AKAP6: variants seen among roughly 807,000 people sequenced by gnomAD.
The protein encoded by AKAP6 is A-kinase anchor protein 6.
Under a neutral mutation model 188.5 loss-of-function variants are expected in AKAP6, and 58 were observed. The ratio of observed to expected loss-of-function variants is 0.31; its 90% CI spans 0.25 to 0.38. The LOEUF is 0.38. Among genes scored for constraint, AKAP6 ranks in the 10% least tolerant of loss-of-function variants. AKAP6 has a pLI of 1.00. For synonymous variants in AKAP6, 989 were observed against 998.6 expected (o/e 0.99, Z 0.18); for missense variants, 2,710 against 2,740.0 (o/e 0.99, Z 0.24).
At chr14:32,618,333 C>T (rs1259303117) in intron 7 of AKAP6, among the ~76,000 whole-genome samples, 2 of 151,952 alleles carry the variant, frequency 1.3e-5, no homozygotes, top group African/African-American at 2.4e-5. Context: ...GTTCTTTTAT[C>T]CTTCTCCTTC....
chr14:32,391,081 C>T (rs1409295012), intron 1 of AKAP6, among the ~76,000 whole-genome samples: 4 of 152,158 alleles, frequency 2.6e-5, no homozygotes, highest in African/African-American at 9.7e-5. Flanking sequence ...CCCTGAGACC[C>T]AGATGTCACT....
rs74041628 is a variant in AKAP6 at position 32,496,694 on chromosome 14, A to G, written c.325-38860A>G. ...CATATTGTTAATGTATTGCAGCCTC[A>G]GGAATTATTAGCTTGAACCATATGA... On this transcript the variant is annotated intron_variant, in intron 2 of 13. Coordinates refer to ENST00000280979, the MANE Select transcript of AKAP6 (RefSeq NM_004274.5). Among the ~76,000 whole-genome samples the G allele has an allele frequency of 5.6e-3, 853 of 152,270 alleles. 5 individuals carry two copies. Among genetic ancestry groups the G allele is most frequent in the African/African-American group, 0.018 (764 of 41,568 alleles).
intron 12 of AKAP6, among the ~76,000 whole-genome samples, chr14:32,776,278 T>C (rs900386067): frequency 8.5e-5 from 13 of 152,332 alleles, no homozygotes; most frequent in Non-Finnish European, 1.5e-4. Context: ...TGGGAGATAA[T>C]TGAATCATGG....
chr14:32,725,485 G>C (rs2030825473), intron 9 of AKAP6, among the ~76,000 whole-genome samples: 1 of 151,984 alleles, frequency 6.6e-6, no homozygotes, highest in Admixed American at 6.5e-5. Context: ...CCTCCTTCAT[G>C]TTGAGATTTT....
At chr14:32,786,389 G>C (rs1006381041) in intron 12 of AKAP6, among the ~76,000 whole-genome samples, 1 of 136,624 alleles carries the variant, frequency 7.3e-6, no homozygotes, top group Non-Finnish European at 1.5e-5. Flanking sequence ...CTCACTGCAA[G>C]CTCCACCTCC....
chr14:32,408,592 T>G (rs1293956350), intron 1 of AKAP6, among the ~76,000 whole-genome samples: 2 of 151,490 alleles, frequency 1.3e-5, no homozygotes, highest in East Asian at 3.9e-4. Flanking sequence ...GGATGAGAGC[T>G]CAGGTATCAG....
intron 1 of AKAP6, among the ~76,000 whole-genome samples, chr14:32,386,421 T>A (rs921953542): frequency 2.6e-5 from 4 of 152,176 alleles, no homozygotes; most frequent in African/African-American, 9.7e-5. Flanking sequence ...AATTGTCTCT[T>A]CGTATCCTTA....
intron 5 of AKAP6, among the ~76,000 whole-genome samples, chr14:32,597,009 TTG>T (rs1885731843): frequency 6.6e-6 from 1 of 152,132 alleles, no homozygotes; most frequent in Non-Finnish European, 1.5e-5. Flanking sequence ...ATTGTACCAT[TTG>T]GGTAATAGTT....
At chr14:32,680,535 A>C (rs1889632625) in intron 8 of AKAP6, among the ~76,000 whole-genome samples, 1 of 152,186 alleles carries the variant, frequency 6.6e-6, no homozygotes, top group Non-Finnish European at 1.5e-5. Flanking sequence ...GCTTTCAAGG[A>C]TCTTCATTCC....
At chr14:32,475,519 G>A (rs571756875) in intron 2 of AKAP6, among the ~76,000 whole-genome samples, 16 of 152,288 alleles carry the variant, frequency 1.1e-4, no homozygotes, top group African/African-American at 3.4e-4. Context: ...TCTATGCAGA[G>A]CAAAGCTTCC....
intron 12 of AKAP6, among the ~76,000 whole-genome samples, chr14:32,788,270 T>C (rs2033491761): frequency 6.6e-6 from 1 of 152,186 alleles, no homozygotes; most frequent in Non-Finnish European, 1.5e-5. Flanking sequence ...TGTGTGATCA[T>C]GGCAAATTAT....
chr14:32,821,849 G>T lies in AKAP6; in HGVS notation c.4036G>T (p.Val1346Leu), dbSNP rs1227239812. ...LPDLLGGSNLVKPCACHGGDM... is the reference protein window; with the variant it reads ...LPDLLGGSNLLKPCACHGGDM... Reference sequence around the variant, plus strand: ...AGATCTTCTAGGTGGTTCCAATTTGGTAAAGCCCTGCGCATGTCATGGAGG... The same window carrying T: ...AGATCTTCTAGGTGGTTCCAATTTGTTAAAGCCCTGCGCATGTCATGGAGG... The change falls in exon 13 of 14, where the codon GTA (valine) becomes TTA (leucine). Residue 1346 changes from valine to leucine, a missense_variant. This residue lies in a region of AKAP6 where 2,473 missense variants were observed against 2,426.1 expected (regional missense o/e 1.02). Coordinates refer to ENST00000280979, the MANE Select transcript of AKAP6 (RefSeq NM_004274.5). 3.1e-5 allele frequency: 50 copies of T among 1,613,602 alleles called. No individual in the cohort carries two copies. Among genetic ancestry groups the T allele is most frequent in the Non-Finnish European group, 4.2e-5 (50 of 1,179,912 alleles).
At chr14:32,449,889 G>A (rs900063506) in intron 2 of AKAP6, among the ~76,000 whole-genome samples, 1 of 152,186 alleles carries the variant, frequency 6.6e-6, no homozygotes, top group Non-Finnish European at 1.5e-5. Context: ...CACACTGAGA[G>A]CAATAAAAGC....
chr14:32,712,812 A>G lies in AKAP6; in HGVS notation c.3000+16702A>G, dbSNP rs374486996. On this transcript the variant is annotated intron_variant, in intron 9 of 13. Transcript: ENST00000280979. ...CACTGAAGTGTTGAACCCCTCAGTCATCCATAAGGGTTGGAATCAACTTCT... is the reference window on the plus strand; with the variant it reads ...CACTGAAGTGTTGAACCCCTCAGTCGTCCATAAGGGTTGGAATCAACTTCT... 2.0e-5 allele frequency among the ~76,000 whole-genome samples: 3 copies of G among 152,072 alleles called. No homozygotes were observed. The South Asian group carries it at 6.2e-4, about 31-fold the overall frequency.
chr14:32,350,692 T>A (rs1197448739), intron 1 of AKAP6, among the ~76,000 whole-genome samples: 1 of 152,212 alleles, frequency 6.6e-6, no homozygotes, highest in African/African-American at 2.4e-5. Context: ...GTATGGGAAC[T>A]CTCTGTACTA....
chr14:32,692,610 G>A (rs1221228039), intron 8 of AKAP6, among the ~76,000 whole-genome samples: 1 of 152,182 alleles, frequency 6.6e-6, no homozygotes, highest in African/African-American at 2.4e-5. Context: ...ATGAGATACT[G>A]TTGTGTCTGC....
At chr14:32,655,965 AATCT>A (rs1293553370) in intron 7 of AKAP6, among the ~76,000 whole-genome samples, 3 of 152,202 alleles carry the variant, frequency 2.0e-5, no homozygotes, top group South Asian at 2.1e-4. Context: ...TCTTAAGATA[AATCT>A]ATCTGTTTTT....
At chr14:32,334,618 T>C (rs922201197) in intron 1 of AKAP6, among the ~76,000 whole-genome samples, 2 of 152,130 alleles carry the variant, frequency 1.3e-5, no homozygotes, top group Non-Finnish European at 2.9e-5. Context: ...AAAAACATAG[T>C]ATATGTAGGG....
chr14:32,595,799 C>T (rs1885673691), intron 5 of AKAP6, among the ~76,000 whole-genome samples: 1 of 152,144 alleles, frequency 6.6e-6, no homozygotes, highest in Non-Finnish European at 1.5e-5. Flanking sequence ...CTGTGTTATA[C>T]ACTAAACCCT....
Sources: gnomAD v4.1 joint callset for allele counts (sites outside exome capture counted in the v4.1 genomes callset) on GRCh38, gnomAD v4.1.1 for gene constraint, gnomAD v4.1.1 regional missense constraint, MANE v1.5 for transcripts, NCBI Gene and HGNC (gene_info 2026-07-23, HGNC 2026-07-21) for gene names.